The following PPIP5K2 variants were observed in gnomAD, a reference collection of about 807,000 sequenced individuals.
PPIP5K2 encodes the protein inositol hexakisphosphate and diphosphoinositol-pentakisphosphate kinase 2.
Under a neutral mutation model 154.6 loss-of-function variants are expected in PPIP5K2, and 105 were observed. The ratio of observed to expected loss-of-function variants is 0.68; its 90% confidence interval spans 0.58 to 0.80. The LOEUF is 0.80. PPIP5K2 is among the 30% of genes least tolerant of loss of function. The pLI is 0.00. For synonymous variants in PPIP5K2, 480 were observed against 490.3 expected (o/e 0.98, Z 0.28); for missense variants, 992 against 1,504.6 (o/e 0.66, Z 5.64).
At chr5:103,144,448 C>G (rs1554208481) in intron 5 of PPIP5K2, among the ~76,000 whole-genome samples, 1 of 151,994 alleles carries the variant, frequency 6.6e-6, no homozygotes, top group Non-Finnish European at 1.5e-5. Context: ...TATGGAACCA[C>G]AAAAAACTCA....
At chr5:103,139,429 T>A (rs1166742626) in intron 5 of PPIP5K2, among the ~76,000 whole-genome samples, 1 of 151,860 alleles carries the variant, frequency 6.6e-6, no homozygotes, top group Admixed American at 6.6e-5. Flanking sequence ...CCTCTAGGAG[T>A]CAGCAAGAGT....
Position 103,205,966 on chromosome 5 carries a change from T to G in PPIP5K2, c.*4332T>G, listed in dbSNP as rs922616945. 2.2e-4 allele frequency: 33 copies of G among 152,206 alleles called. No homozygotes were observed. The highest frequency in any genetic ancestry group is 7.5e-4 in the African/African-American group (31 of 41,454). The allele number at this position is 152,206 out of a possible 1,614,324, so 9.4% of individuals were successfully genotyped here. On this transcript the variant is annotated 3_prime_UTR_variant, in exon 31 of 31. Transcript: ENST00000358359. ...ATTGGGTTTTGCTTTGTGATTCAATTTTAAGATCCCTTTTACTTAATAGAT... is the reference window on the plus strand; with the variant it reads ...ATTGGGTTTTGCTTTGTGATTCAATGTTAAGATCCCTTTTACTTAATAGAT...
intron 29 of PPIP5K2, among the ~76,000 whole-genome samples, chr5:103,193,442 C>T (rs1554227493): frequency 6.6e-6 from 1 of 151,718 alleles, no homozygotes; most frequent in South Asian, 2.1e-4. Flanking sequence ...TTTTTTTCCT[C>T]ATCTAACACA....
intron 8 of PPIP5K2, among the ~76,000 whole-genome samples, chr5:103,151,007 T>C (rs946066126): frequency 1.3e-5 from 2 of 152,030 alleles, no homozygotes; most frequent in South Asian, 2.1e-4. Flanking sequence ...TAGCCCCTTA[T>C]GCGTTATTGT....
intron 14 of PPIP5K2, among the ~76,000 whole-genome samples, chr5:103,157,681 G>A (rs1048478088): frequency 2.0e-5 from 3 of 149,110 alleles, no homozygotes; most frequent in Non-Finnish European, 3.0e-5. Context: ...CAGCCAGGGC[G>A]ACCAAGCGAG....
At chr5:103,148,534 T>C (rs1554210076) in intron 7 of PPIP5K2, among the ~76,000 whole-genome samples, 1 of 152,152 alleles carries the variant, frequency 6.6e-6, no homozygotes, top group Admixed American at 6.6e-5. Flanking sequence ...TTCTAAAGTA[T>C]AAATCTGAGT....
chr5:103,158,099 C>T, intron 14 of PPIP5K2, 89 bp from the exon 15 acceptor site: 1 of 1,373,974 alleles, frequency 7.3e-7, no homozygotes, highest in South Asian at 1.3e-5. Context: ...TATTTCACTG[C>T]AGAAGAGAGC....
At chr5:103,130,771 A>G (rs898627260) in intron 2 of PPIP5K2, among the ~76,000 whole-genome samples, 16 of 152,180 alleles carry the variant, frequency 1.1e-4, no homozygotes, top group Non-Finnish European at 1.9e-4. Context: ...ACTAGAAAGC[A>G]CTATTGACTC....
chr5:103,161,795 G>A (rs1210732658), intron 17 of PPIP5K2, among the ~76,000 whole-genome samples: 1 of 151,542 alleles, frequency 6.6e-6, no homozygotes, highest in Non-Finnish European at 1.5e-5. Context: ...CTTTTTGATG[G>A]GGTTGTTTGT....
chr5:103,131,068 C>T (rs757069341), intron 2 of PPIP5K2, among the ~76,000 whole-genome samples: 7 of 152,110 alleles, frequency 4.6e-5, no homozygotes, highest in Non-Finnish European at 8.8e-5. Context: ...TTTCATTCTT[C>T]CAAACCCTCC....
intron 3 of PPIP5K2, 43 bp downstream of exon 3, chr5:103,133,691 T>G: frequency 2.1e-6 from 3 of 1,436,202 alleles, no homozygotes; most frequent in Non-Finnish European, 2.8e-6. Flanking sequence ...TCCTCTCTGT[T>G]TATAAAACTA....
intron 19 of PPIP5K2, among the ~76,000 whole-genome samples, chr5:103,170,189 T>G (rs1797764217): frequency 1.3e-5 from 2 of 151,646 alleles, no homozygotes; most frequent in African/African-American, 4.8e-5. Flanking sequence ...GTTTATATAG[T>G]TGAAGACATT....
chr5:103,160,825 G>A (rs1268592300), intron 17 of PPIP5K2, among the ~76,000 whole-genome samples: 1 of 152,028 alleles, frequency 6.6e-6, no homozygotes, highest in Non-Finnish European at 1.5e-5. Flanking sequence ...TCCTGGTATG[G>A]CACCTGTGCA....
At chr5:103,144,665 T>C (rs868989893) in intron 5 of PPIP5K2, among the ~76,000 whole-genome samples, 8 of 152,194 alleles carry the variant, frequency 5.3e-5, no homozygotes, top group African/African-American at 1.9e-4. Context: ...GAATGTCCAC[T>C]GGGGATAGGA....
intron 6 of PPIP5K2, 48 bp from the exon 7 acceptor site, chr5:103,147,883 A>T: frequency 9.5e-7 from 1 of 1,053,126 alleles, no homozygotes; most frequent in Non-Finnish European, 1.4e-6. Context: ...CATAAAAATG[A>T]GGGAAATAAT....
chr5:103,159,379 A>T (rs1795879597), intron 17 of PPIP5K2, 51 bp downstream of exon 17: 2 of 1,411,562 alleles, frequency 1.4e-6, no homozygotes, highest in Admixed American at 2.2e-5. Flanking sequence ...CACACAGAAA[A>T]GTGATAAGTG....
In PPIP5K2 at chr5:103,211,962, A is replaced by G. The variant is rs1580536510; in HGVS notation, c.*10328A>G. The G allele has an allele frequency of 2.0e-5, 3 of 152,260 alleles. No homozygotes were observed. Among genetic ancestry groups the G allele is most frequent in the African/African-American group, 7.2e-5 (3 of 41,578 alleles). 9.4% of individuals were successfully genotyped at this position (152,260 alleles called of 1,614,324 possible). On this transcript the variant is annotated 3_prime_UTR_variant, in exon 31 of 31. Transcript: ENST00000358359. ...AGTTATCTGAATGTAAAAGGAATCA[A>G]CGGCTAAATCAAGCTTAAAGTCTTC...
At chr5:103,177,378 G>A (rs1160529566) in intron 21 of PPIP5K2, among the ~76,000 whole-genome samples, 1 of 151,906 alleles carries the variant, frequency 6.6e-6, no homozygotes, top group Non-Finnish European at 1.5e-5. Context: ...TCCTTCGAGT[G>A]TCATGTTAGT....
intron 26 of PPIP5K2, among the ~76,000 whole-genome samples, chr5:103,185,930 G>GTT (rs557317432): frequency 1.4e-5 from 2 of 140,770 alleles, no homozygotes; most frequent in Non-Finnish European, 1.6e-5. Flanking sequence ...TAGAAGGAGT[G>GTT]TTTTTTTTTT....
Sources: gnomAD v4.1 joint callset for allele counts (sites outside exome capture counted in the v4.1 genomes callset) on GRCh38, gnomAD v4.1.1 for gene constraint, MANE v1.5 for transcripts, NCBI Gene and HGNC (gene_info 2026-07-23, HGNC 2026-07-21) for gene names.